SRSF10: variants seen among roughly 807,000 people sequenced by gnomAD.
SRSF10 encodes serine and arginine rich splicing factor 10.
In SRSF10, 9 loss-of-function variants were observed where a neutral mutation model predicts 32.6. That is an observed-to-expected ratio of 0.28 (90% confidence interval 0.17 to 0.48). SRSF10 has a LOEUF of 0.48. Among genes scored for constraint, SRSF10 ranks in the 20% least tolerant of loss-of-function variants. The pLI, the probability that SRSF10 is intolerant of heterozygous loss-of-function variation, is 0.99. For missense variants in SRSF10, 201 were observed against 331.8 expected, an observed-to-expected ratio of 0.61 and a Z score of 3.06; for synonymous variants, 105 against 112.4, an observed-to-expected ratio of 0.93 and a Z score of 0.42.
rs1468565542 is a variant in SRSF10 at position 23,968,453 on chromosome 1, TTTTC to T, written c.*2685_*2688del. On this transcript the variant is annotated 3_prime_UTR_variant, in exon 6 of 6. Transcript: ENST00000492112. ...TAAATCCTGGCTCTGCCTTACAGTC[TTTTC>T]TTTGTGCCTCAGTTTCCTTATCTGT... Among the ~76,000 whole-genome samples the T allele has an allele frequency of 1.3e-5, 2 of 152,168 alleles. No homozygotes were observed. The highest frequency in any genetic ancestry group is 2.9e-5 in the Non-Finnish European group (2 of 68,016).
rs1372718031 is a variant in SRSF10 at position 23,968,675 on chromosome 1, C to T, written c.*2467G>A. On this transcript the variant is annotated 3_prime_UTR_variant, in exon 6 of 6. Transcript: ENST00000492112. ...AGGTTATCACTTAATATTAGTTGCTCATCAACATTCAATTTAAAATGATTT... is the reference window on the plus strand; with the variant it reads ...AGGTTATCACTTAATATTAGTTGCTTATCAACATTCAATTTAAAATGATTT... Among the ~76,000 whole-genome samples, 1 of 152,164 alleles carries T rather than the reference C, an allele frequency of 6.6e-6. No individual in the cohort carries two copies. Among genetic ancestry groups the T allele is most frequent in the Non-Finnish European group, 1.5e-5 (1 of 68,002 alleles).
At chr1:23,971,688 T>C (rs1641764621) in intron 4 of SRSF10, 62 bp from the exon 5 acceptor site, 1 of 1,569,582 alleles carries the variant, frequency 6.4e-7, no homozygotes, top group Non-Finnish European at 8.7e-7. Context: ...AGTTTCTAAT[T>C]AAAAGCAAAC....
chr1:23,975,137 G>A (rs1174695616), intron 2 of SRSF10, 60 bp from the exon 3 acceptor site: 1 of 1,292,814 alleles, frequency 7.7e-7, no homozygotes, highest in Non-Finnish European at 1.1e-6. Flanking sequence ...TGAAAGTTCA[G>A]TTGGTATGTC....
In SRSF10 at chr1:23,966,295, A is replaced by T. The variant is rs1293571708; in HGVS notation, c.*4847T>A. ...ATTTTCAAAATTGCTACAAATTAAA[A>T]GCTTAAATTCCACTTCCAGATTTTT... is the stretch of plus-strand genomic sequence containing the variant. On this transcript the variant is annotated 3_prime_UTR_variant, in exon 6 of 6. Transcript: ENST00000492112. The T allele has an allele frequency of 6.6e-6, 1 of 151,970 alleles. No homozygotes were observed. The highest frequency in any genetic ancestry group is 1.5e-5 in the Non-Finnish European group (1 of 67,814). The allele number at this position is 151,970 out of a possible 1,614,324, so 9.4% of individuals were successfully genotyped here.
At chr1:23,977,731 G>C in intron 2 of SRSF10, 1 of 260,990 alleles carries the variant, frequency 3.8e-6, no homozygotes, top group Non-Finnish European at 6.0e-6. Flanking sequence ...TATACATCCT[G>C]TTACACTTTA....
intron 2 of SRSF10, chr1:23,976,602 T>C (rs1642106958): frequency 6.6e-6 from 1 of 152,154 alleles, no homozygotes; most frequent in African/African-American, 2.4e-5. Flanking sequence ...AGGATTTATA[T>C]TGAGAGCTGT....
In SRSF10 at chr1:23,967,741, T is replaced by C; in HGVS notation, c.*3401A>G. The C allele has an allele frequency of 6.2e-7, 1 of 1,611,468 alleles. No homozygotes were observed. The highest frequency in any genetic ancestry group is 1.7e-4 in the Middle Eastern group (1 of 6,056). The stretch of plus-strand genomic sequence containing the variant: ...AGTTTGGTCTTAAATAAAAGAAGGA[T>C]GTTTGTCAGTTTGGTTTCCTTTATT... On this transcript the variant is annotated 3_prime_UTR_variant, in exon 6 of 6. Transcript: ENST00000492112.
chr1:23,967,842 A>C lies in SRSF10; in HGVS notation c.*3300T>G, dbSNP rs1347714636. The C allele has an allele frequency of 1.3e-6, 2 of 1,559,836 alleles. No individual in the cohort carries two copies. The highest frequency in any genetic ancestry group is 1.4e-5 in the African/African-American group (1 of 73,114). ...ACTGGGCCAAATTTTCAAGAGAATA[A>C]TACAATAGTTCCCAGGTCTTTCCCC... On this transcript the variant is annotated 3_prime_UTR_variant, in exon 6 of 6. Transcript: ENST00000492112.
chr1:23,974,769 C>T (rs1641984645), intron 3 of SRSF10, among the ~76,000 whole-genome samples: 1 of 150,884 alleles, frequency 6.6e-6, no homozygotes, highest in East Asian at 1.9e-4. Context: ...GTGGTGGTTG[C>T]AGTGAGCCAA....
chr1:23,974,461 AC>A (rs1242659798), intron 3 of SRSF10, among the ~76,000 whole-genome samples: 2 of 152,170 alleles, frequency 1.3e-5, no homozygotes, highest in African/African-American at 4.8e-5. Context: ...CCTCCTACTT[AC>A]ACTTACCCCA....
At position 23,967,396 on chromosome 1, in the gene SRSF10, A is replaced by G. The variant is rs1410623426; in HGVS notation, c.*3746T>C. On this transcript the variant is annotated 3_prime_UTR_variant, in exon 6 of 6. Coordinates refer to ENST00000492112, the MANE Select transcript of SRSF10 (RefSeq NM_054016.4). ...CAGACATCCTAGTTTCCAATAATTT[A>G]TTATGGACCTGTTACCCATGAATCA... 7 of 339,802 alleles carry G rather than the reference A, an allele frequency of 2.1e-5. No homozygotes were observed. Among genetic ancestry groups the G allele is most frequent in the Non-Finnish European group, 3.8e-5 (7 of 185,292 alleles). 21.0% of individuals were successfully genotyped at this position (339,802 alleles called of 1,614,324 possible).
rs1038807285 is a variant in SRSF10 at position 23,965,972 on chromosome 1, G to A, written c.*5170C>T. On this transcript the variant is annotated 3_prime_UTR_variant, in exon 6 of 6. Coordinates refer to ENST00000492112, the MANE Select transcript of SRSF10 (RefSeq NM_054016.4). ...ACCCCTATGTTAATGAGTGTATAAC[G>A]GTATACAACAAAATACTTTTTGTAA... 2 of 151,648 alleles carry A rather than the reference G, an allele frequency of 1.3e-5. No homozygotes were observed. Among genetic ancestry groups the A allele is most frequent in the South Asian group, 2.1e-4 (1 of 4,822 alleles). The allele number at this position is 151,648 out of a possible 1,614,324, so 9.4% of individuals were successfully genotyped here.
Position 23,966,769 on chromosome 1 carries a change from ATT to A in SRSF10, c.*4371_*4372del, listed in dbSNP as rs1242196324. On this transcript the variant is annotated 3_prime_UTR_variant, in exon 6 of 6. Transcript: ENST00000492112. ...AAACCAGTTTATTACAGATTAAATC[ATT>A]TTTTCATTATTTATAATAATGTGAT... 2 of 152,134 alleles carry A rather than the reference ATT, an allele frequency of 1.3e-5. No homozygotes were observed. The highest frequency in any genetic ancestry group is 1.9e-4 in the East Asian group (1 of 5,186). The allele number at this position is 152,134 out of a possible 1,614,324, so 9.4% of individuals were successfully genotyped here.
chr1:23,974,184 G>C (rs566671184), intron 3 of SRSF10, among the ~76,000 whole-genome samples: 195 of 151,896 alleles, frequency 1.3e-3, no homozygotes, highest in African/African-American at 4.5e-3. Context: ...GTATAGACGG[G>C]GTTTTACCAT....
In SRSF10 at chr1:23,967,894, C is replaced by CT; in HGVS notation, c.*3247dup. On this transcript the variant is annotated 3_prime_UTR_variant, in exon 6 of 6. Coordinates refer to ENST00000492112, the MANE Select transcript of SRSF10 (RefSeq NM_054016.4). Reference sequence around the variant, plus strand: ...GGGATGTAACTTAACAGCTCATACTCTATGTAGCACCTTTCCTCTCTCACT... The same window carrying CT: ...GGGATGTAACTTAACAGCTCATACTCTTATGTAGCACCTTTCCTCTCTCACT... 1.3e-6 allele frequency: 2 copies of CT among 1,547,702 alleles called. No individual in the cohort carries two copies. Among genetic ancestry groups the CT allele is most frequent in the East Asian group, 2.4e-5 (1 of 40,828 alleles).
rs1055462812 is a variant in SRSF10, at chr1:23,972,369, C to T, written c.275-357G>A. 2.0e-5 allele frequency among the ~76,000 whole-genome samples: 3 copies of T among 150,104 alleles called. No homozygotes were observed. In the East Asian group the frequency reaches 5.9e-4, roughly 30 times the overall value. On this transcript the variant is annotated intron_variant, in intron 3 of 5. Transcript: ENST00000492112. Reference sequence around the variant, plus strand: ...AGTAAATTGTGATCACACCACCGCACGCCAGCCTGGGGGTCAGAGACCCTG... The same window carrying T: ...AGTAAATTGTGATCACACCACCGCATGCCAGCCTGGGGGTCAGAGACCCTG...
rs1223398827 is a variant in SRSF10, at chr1:23,970,327, T to C, written c.*815A>G. The C allele has an allele frequency of 7.4e-5, 73 of 981,426 alleles. No individual in the cohort carries two copies. In the African/African-American group the frequency reaches 1.2e-3, roughly 16 times the overall value. The allele number at this position is 981,426 out of a possible 1,614,324, so 60.8% of individuals were successfully genotyped here. A position where few individuals can be genotyped will look rare whatever the true frequency, so the allele number is the denominator to read the frequency against. On this transcript the variant is annotated 3_prime_UTR_variant, in exon 6 of 6. Coordinates refer to ENST00000492112, the MANE Select transcript of SRSF10 (RefSeq NM_054016.4). ...GGTTAACAAAAGAACTAATCCACAC[T>C]GCATCAAAAATAATTATCATTGGCC...
intron 2 of SRSF10, chr1:23,976,606 G>C (rs1642107516): frequency 6.6e-6 from 1 of 152,152 alleles, no homozygotes; most frequent in South Asian, 2.1e-4. Context: ...TTTATATTGA[G>C]AGCTGTAAAA....
chr1:23,980,250 G>A lies in SRSF10; in HGVS notation c.6C>T (p.Ser2=). Residue 2 remains serine (S), a synonymous_variant, in exon 1 of 6, where the codon TCC becomes TCT. Coordinates refer to ENST00000492112, the MANE Select transcript of SRSF10 (RefSeq NM_054016.4). M[S]RYLRPPNTSL... ...ACGTGTTGGGGGGACGCAGGTAGCGGGACATGGCGGCGGCGTGTCTCGGCC... is the reference window on the plus strand; with the variant it reads ...ACGTGTTGGGGGGACGCAGGTAGCGAGACATGGCGGCGGCGTGTCTCGGCC... 3 of 1,502,486 alleles carry A rather than the reference G, an allele frequency of 2.0e-6. No homozygotes were observed. Among genetic ancestry groups the A allele is most frequent in the South Asian group, 2.5e-5 (2 of 80,344 alleles). 93.1% of individuals were successfully genotyped at this position (1,502,486 alleles called of 1,614,324 possible).
Sources: allele counts gnomAD v4.1 joint callset (sites outside exome capture counted in the v4.1 genomes callset), GRCh38; gene constraint gnomAD v4.1.1; transcripts MANE v1.5; gene names NCBI Gene and HGNC (gene_info 2026-07-23, HGNC 2026-07-21).